The following YPEL5 variants were observed in gnomAD, a reference collection of about 807,000 sequenced individuals.
The protein encoded by YPEL5 is protein yippee-like 5.
YPEL5 carries 1 observed loss-of-function variant against 10.5 expected under a neutral mutation model. The observed-to-expected ratio is 0.10, with a 90% CI of 0.03 to 0.45. The LOEUF is 0.45. Ranked by LOEUF, YPEL5 falls within the 20% of genes least tolerant of loss-of-function variation. The pLI, the probability that YPEL5 is intolerant of heterozygous loss-of-function variation, is 0.97. For synonymous variants in YPEL5, 61 were observed against 56.6 expected, an observed-to-expected ratio of 1.08 and a Z score of -0.35; for missense variants, 68 against 159.3, an observed-to-expected ratio of 0.43 and a Z score of 3.09.
chr2:30,152,890 G>GTTTTTTTTTTTTTTT (rs373848986), intron 1 of YPEL5, among the ~76,000 whole-genome samples: 3 of 122,726 alleles, frequency 2.4e-5, no homozygotes, highest in Non-Finnish European at 3.4e-5. Context: ...ACTGTCCTTT[G>GTTTTTTTTTTTTTTT]TTTTTTTTTT....
At chr2:30,153,829 A>G (rs1675920183) in intron 1 of YPEL5, among the ~76,000 whole-genome samples, 1 of 152,240 alleles carries the variant, frequency 6.6e-6, no homozygotes. Flanking sequence ...GGTCTTGGTA[A>G]TGAATCATAT....
rs114934125 is a variant in YPEL5 at position 30,151,201 on chromosome 2, C to T, written c.-25+4139C>T. On this transcript the variant is annotated intron_variant, in intron 1 of 2. Transcript: ENST00000261353. ...ATTGTTTTATTGATGTGGAAGCAAA[C>T]TAGGAAATTATGTAGTCCATCATAT... Among the ~76,000 whole-genome samples the T allele has an allele frequency of 4.4e-3, 665 of 152,162 alleles. 5 individuals are homozygous for T. Among genetic ancestry groups the T allele is most frequent in the African/African-American group, 0.015 (642 of 41,500 alleles).
chr2:30,147,153 C>T (rs1675444060), intron 1 of YPEL5, 91 bp downstream of exon 1: 1 of 152,354 alleles, frequency 6.6e-6, no homozygotes, highest in African/African-American at 2.4e-5. Flanking sequence ...GGGAATCGGC[C>T]CAGGGTGGGG....
At chr2:30,147,931 G>A (rs992030789) in intron 1 of YPEL5, 1 of 152,464 alleles carries the variant, frequency 6.6e-6, no homozygotes, top group Non-Finnish European at 1.5e-5. Flanking sequence ...AGCTGGGCCG[G>A]CGGGGGCGCT....
chr2:30,158,235 C>T (rs961420970), intron 2 of YPEL5, among the ~76,000 whole-genome samples: 1 of 152,186 alleles, frequency 6.6e-6, no homozygotes, highest in Non-Finnish European at 1.5e-5. Flanking sequence ...GCATTAGGTT[C>T]TTTTACATGG....
At position 30,159,780 on chromosome 2, in the gene YPEL5, A is replaced by G. The variant is rs1489811992; in HGVS notation, c.*937A>G. On this transcript the variant is annotated 3_prime_UTR_variant, in exon 3 of 3. Transcript: ENST00000261353. ...TCATGCAAAAAAACATTTAATCTGC[A>G]TCTGTTTTAGAAAAGGGGGAAATGA... The G allele has an allele frequency of 6.6e-6, 1 of 152,262 alleles. No homozygotes were observed. Among genetic ancestry groups the G allele is most frequent in the Non-Finnish European group, 1.5e-5 (1 of 68,042 alleles). The allele number at this position is 152,262 out of a possible 1,614,324, so 9.4% of individuals were successfully genotyped here. A position where few individuals can be genotyped will look rare whatever the true frequency, so the allele number is the denominator to read the frequency against.
At position 30,159,376 on chromosome 2, in the gene YPEL5, A is replaced by G. The variant is rs2103524189; in HGVS notation, c.*533A>G. The G allele has an allele frequency of 6.5e-6, 1 of 153,656 alleles. No individual in the cohort carries two copies. Among genetic ancestry groups the G allele is most frequent in the East Asian group, 1.9e-4 (1 of 5,198 alleles). The allele number at this position is 153,656 out of a possible 1,614,324, so 9.5% of individuals were successfully genotyped here. A position where few individuals can be genotyped will look rare whatever the true frequency, so the allele number is the denominator to read the frequency against. ...CATATTCTTGTTGGAGATGAACCGT[A>G]GCACCAGAGCCCATTCTTCCTTGTC... On this transcript the variant is annotated 3_prime_UTR_variant, in exon 3 of 3. Coordinates refer to ENST00000261353, the MANE Select transcript of YPEL5 (RefSeq NM_016061.3).
chr2:30,150,640 AGG>A (rs1195998664), intron 1 of YPEL5, among the ~76,000 whole-genome samples: 1 of 152,212 alleles, frequency 6.6e-6, no homozygotes, highest in African/African-American at 2.4e-5. Flanking sequence ...AGTAAAGAAA[AGG>A]GGAATGGGAT....
chr2:30,151,423 G>A (rs1675786853), intron 1 of YPEL5, among the ~76,000 whole-genome samples: 1 of 152,084 alleles, frequency 6.6e-6, no homozygotes, highest in African/African-American at 2.4e-5. Flanking sequence ...AGCTAAATAT[G>A]CTATTGGTGA....
intron 2 of YPEL5, 103 bp downstream of exon 2, chr2:30,156,895 A>G: frequency 7.3e-7 from 1 of 1,371,896 alleles, no homozygotes; most frequent in South Asian, 1.3e-5. Flanking sequence ...AAGAGTCAGA[A>G]TGAGAGCTTG....
intron 1 of YPEL5, chr2:30,147,406 G>T (rs550248074): frequency 6.9e-6 from 1 of 145,156 alleles, no homozygotes; most frequent in Non-Finnish European, 1.5e-5. Context: ...CCGTTTCCCC[G>T]TCGCGTCCTC....
At chr2:30,147,597 A>G (rs990416623) in intron 1 of YPEL5, 3 of 150,710 alleles carry the variant, frequency 2.0e-5, no homozygotes, top group African/African-American at 7.3e-5. Flanking sequence ...CGATGACCGC[A>G]CGGCGTGAAC....
At chr2:30,150,317 G>C (rs1441116476) in intron 1 of YPEL5, among the ~76,000 whole-genome samples, 2 of 152,170 alleles carry the variant, frequency 1.3e-5, no homozygotes, top group African/African-American at 4.8e-5. Context: ...TGTGTGCTAG[G>C]CACCGTTCTC....
Position 30,158,898 on chromosome 2 carries a change from C to T in YPEL5, c.*55C>T, listed in dbSNP as rs1270915777. ...GGTCTCCTTCACTGAAAACAAAAATCTACTTACATACACTGTCACCTTAGC... is the reference window on the plus strand; with the variant it reads ...GGTCTCCTTCACTGAAAACAAAAATTTACTTACATACACTGTCACCTTAGC... On this transcript the variant is annotated 3_prime_UTR_variant, in exon 3 of 3. Coordinates refer to ENST00000261353, the MANE Select transcript of YPEL5 (RefSeq NM_016061.3). 6.5e-7 allele frequency: 1 copy of T among 1,547,444 alleles called. No homozygotes were observed. Among genetic ancestry groups the T allele is most frequent in the African/African-American group, 1.4e-5 (1 of 73,602 alleles).
At chr2:30,147,444 C>T (rs1200206146) in intron 1 of YPEL5, 3 of 149,082 alleles carry the variant, frequency 2.0e-5, no homozygotes, top group East Asian at 2.0e-4. Context: ...GCCCACGGCG[C>T]CCCCTGGGCG....
intron 1 of YPEL5, among the ~76,000 whole-genome samples, chr2:30,154,074 C>T (rs1037538557): frequency 6.6e-6 from 1 of 152,184 alleles, no homozygotes; most frequent in Non-Finnish European, 1.5e-5. Context: ...TCTCCCATTA[C>T]GGTTGAAATA....
At chr2:30,152,019 G>T (rs1005712125) in intron 1 of YPEL5, among the ~76,000 whole-genome samples, 4 of 152,180 alleles carry the variant, frequency 2.6e-5, no homozygotes, top group African/African-American at 9.7e-5. Flanking sequence ...CTGGTGTGTG[G>T]GAATTTTTGA....
chr2:30,147,489 G>A (rs1307581573), intron 1 of YPEL5: 3 of 138,594 alleles, frequency 2.2e-5, no homozygotes, highest in African/African-American at 7.9e-5. Flanking sequence ...CCGCCGCGCC[G>A]CGCCGCGGCT....
chr2:30,147,805 A>G (rs1191496961), intron 1 of YPEL5: 1 of 152,040 alleles, frequency 6.6e-6, no homozygotes, highest in Admixed American at 6.6e-5. Context: ...CCACCCGCTC[A>G]GCTGTTTCCT....
Sources: allele counts gnomAD v4.1 joint callset (sites outside exome capture counted in the v4.1 genomes callset), GRCh38; gene constraint gnomAD v4.1.1; transcripts MANE v1.5; gene names NCBI Gene and HGNC (gene_info 2026-07-23, HGNC 2026-07-21).